Variants in ZMYND12 observed in about 807,000 individuals in gnomAD.
The protein encoded by ZMYND12 is zinc finger MYND-type containing 12.
ZMYND12 carries 32 observed loss-of-function variants against 41.7 expected under a neutral mutation model. The observed-to-expected ratio is 0.77, with a 90% CI of 0.58 to 1.03. The LOEUF (loss-of-function observed/expected upper bound fraction) is 1.03, where lower values mean the gene tolerates loss of function less well. ZMYND12 is among the 50% of genes least tolerant of loss of function. ZMYND12 has a pLI of 0.00. For missense variants in ZMYND12, 424 were observed against 438.5 expected, an observed-to-expected ratio of 0.97 and a Z score of 0.30; for synonymous variants, 148 against 164.8, an observed-to-expected ratio of 0.90 and a Z score of 0.78.
chr1:42,441,756 G>T (rs1642972391), intron 3 of ZMYND12, among the ~76,000 whole-genome samples: 1 of 150,940 alleles, frequency 6.6e-6, no homozygotes. Flanking sequence ...AAGTAGCTGG[G>T]ACTACAGGCG....
Position 42,430,712 on chromosome 1 carries a change from C to A in ZMYND12, c.*24G>T, listed in dbSNP as rs775828300. Reference sequence around the variant, plus strand: ...GATCTTCAGTAGCCCCTGGAATAACCCTTGATGCAGAGCTCATGGGTCACT... The same window carrying A: ...GATCTTCAGTAGCCCCTGGAATAACACTTGATGCAGAGCTCATGGGTCACT... On this transcript the variant is annotated 3_prime_UTR_variant, in exon 8 of 8. Coordinates refer to ENST00000372565, the MANE Select transcript of ZMYND12 (RefSeq NM_032257.5). 1 of 1,612,084 alleles carries A rather than the reference C, an allele frequency of 6.2e-7. No individual in the cohort carries two copies. The highest frequency in any genetic ancestry group is 1.1e-5 in the South Asian group (1 of 90,948).
At chr1:42,442,631 C>A (rs1276412118) in intron 3 of ZMYND12, among the ~76,000 whole-genome samples, 2 of 152,114 alleles carry the variant, frequency 1.3e-5, no homozygotes, top group Non-Finnish European at 2.9e-5. Flanking sequence ...GGTGCTGCAG[C>A]AGAAATGGCA....
At chr1:42,437,105 A>C (rs2148405274) in intron 4 of ZMYND12, among the ~76,000 whole-genome samples, 1 of 152,380 alleles carries the variant, frequency 6.6e-6, no homozygotes, top group African/African-American at 2.4e-5. Flanking sequence ...AATGCTAATC[A>C]GCAATAAGAG....
chr1:42,449,405 A>G (rs1024389594), intron 2 of ZMYND12, among the ~76,000 whole-genome samples: 1 of 152,212 alleles, frequency 6.6e-6, no homozygotes, highest in African/African-American at 2.4e-5. Context: ...TCACATGACT[A>G]TAATTGGAGC....
chr1:42,441,035 T>G (rs911475052), intron 3 of ZMYND12, among the ~76,000 whole-genome samples: 8 of 152,192 alleles, frequency 5.3e-5, no homozygotes, highest in African/African-American at 1.9e-4. Flanking sequence ...AATATATATA[T>G]GCATATTTAA....
intron 1 of ZMYND12, among the ~76,000 whole-genome samples, chr1:42,454,499 T>C (rs566883563): frequency 1.6e-4 from 25 of 152,220 alleles, no homozygotes; most frequent in Non-Finnish European, 3.4e-4. Flanking sequence ...TGATCTGTTA[T>C]GCAGCCGTCA....
Position 42,430,748 on chromosome 1 carries a change from A to G in ZMYND12, c.1086T>C (p.His362=). 1 of 1,614,124 alleles carries G rather than the reference A, an allele frequency of 6.2e-7. No individual in the cohort carries two copies. The highest frequency in any genetic ancestry group is 8.5e-7 in the Non-Finnish European group (1 of 1,179,994). Residue 362 remains histidine (H), a synonymous_variant, in exon 8 of 8, where the codon CAT becomes CAC. Transcript: ENST00000372565. ...ELLSLISTED[H]PIT is the part of the protein sequence containing the mutation. ...AGCTCATGGGTCACTAAGTAATGGGATGGTCTTCAGTTGAAATGAGACTTA... is the reference window on the plus strand; with the variant it reads ...AGCTCATGGGTCACTAAGTAATGGGGTGGTCTTCAGTTGAAATGAGACTTA...
At chr1:42,432,856 A>G (rs3828155) in intron 7 of ZMYND12, 219,805 of 339,678 alleles carry the variant, frequency 0.65, 71,844 homozygotes, top group South Asian at 0.72. Flanking sequence ...TACTTCATCC[A>G]TCCAAGGCTC....
chr1:42,435,862 G>C lies in ZMYND12; in HGVS notation c.718-477C>G, dbSNP rs1381914100. On this transcript the variant is annotated intron_variant, in intron 5 of 7. Transcript: ENST00000372565. ...GCAAAATGCCTCTTTCTCAGAAGCAGGTCTAAAACATGAATCAACAATCAG... is the reference window on the plus strand; with the variant it reads ...GCAAAATGCCTCTTTCTCAGAAGCACGTCTAAAACATGAATCAACAATCAG... Among the ~76,000 whole-genome samples the C allele has an allele frequency of 2.0e-5, 3 of 152,106 alleles. No individual in the cohort carries two copies. In the East Asian group the frequency reaches 5.8e-4, roughly 29 times the overall value.
chr1:42,435,510 G>T (rs1642897152), intron 5 of ZMYND12, 125 bp from the exon 6 acceptor site: 2 of 707,516 alleles, frequency 2.8e-6, no homozygotes, highest in Admixed American at 2.2e-5. Flanking sequence ...CTCTTACTGT[G>T]CCTGGAGGCA....
intron 1 of ZMYND12, among the ~76,000 whole-genome samples, chr1:42,451,026 G>C (rs150745046): frequency 2.0e-5 from 3 of 152,042 alleles, no homozygotes; most frequent in African/African-American, 7.2e-5. Flanking sequence ...TGTTCTATAC[G>C]CACTAGAGAA....
At chr1:42,431,295 A>G (rs1642847451) in intron 7 of ZMYND12, among the ~76,000 whole-genome samples, 1 of 152,006 alleles carries the variant, frequency 6.6e-6, no homozygotes, top group African/African-American at 2.4e-5. Flanking sequence ...CTTCCTTCCT[A>G]TAAATTGTTA....
At position 42,453,111 on chromosome 1, in the gene ZMYND12, A is replaced by T. The variant is rs561456209; in HGVS notation, c.110+2777T>A. ...GGTACTAGATGCTTTACATTCGACCATCAAAACCTATAGAACAACAACCTC... is the reference window on the plus strand; with the variant it reads ...GGTACTAGATGCTTTACATTCGACCTTCAAAACCTATAGAACAACAACCTC... On this transcript the variant is annotated intron_variant, in intron 1 of 7. Transcript: ENST00000372565. Among the ~76,000 whole-genome samples the T allele has an allele frequency of 4.6e-5, 7 of 152,338 alleles. No individual in the cohort carries two copies. In the East Asian group the frequency reaches 1.3e-3, roughly 29 times the overall value.
chr1:42,435,551 G>T, intron 5 of ZMYND12, 166 bp from the exon 6 acceptor site: 1 of 561,482 alleles, frequency 1.8e-6, no homozygotes. Flanking sequence ...AACAGGCCTG[G>T]CCAAGGTAAG....
At chr1:42,437,440 C>G (rs896710575) in intron 4 of ZMYND12, among the ~76,000 whole-genome samples, 5 of 144,414 alleles carry the variant, frequency 3.5e-5, no homozygotes, top group African/African-American at 1.3e-4. Context: ...CAATAAAGCT[C>G]TGTGTGTGTG....
chr1:42,431,683 A>G (rs1642852454), intron 7 of ZMYND12, among the ~76,000 whole-genome samples: 1 of 152,206 alleles, frequency 6.6e-6, no homozygotes, highest in Non-Finnish European at 1.5e-5. Context: ...TACACAGTGG[A>G]AAATTGGACA....
intron 3 of ZMYND12, among the ~76,000 whole-genome samples, chr1:42,445,326 G>A (rs1050766479): frequency 4.6e-5 from 7 of 151,510 alleles, no homozygotes; most frequent in Admixed American, 6.6e-5. Context: ...CTAGCTACTC[G>A]GGAGGCTGAG....
intron 1 of ZMYND12, among the ~76,000 whole-genome samples, chr1:42,454,467 A>G (rs762007097): frequency 1.8e-4 from 27 of 152,208 alleles, no homozygotes; most frequent in Admixed American, 5.9e-4. Flanking sequence ...GGCCAGTATG[A>G]GAAGGTACTG....
chr1:42,449,930 C>T lies in ZMYND12; in HGVS notation c.240G>A (p.Leu80=), dbSNP rs1446193913. The T allele has an allele frequency of 6.2e-7, 1 of 1,612,106 alleles. No individual in the cohort carries two copies. Among genetic ancestry groups the T allele is most frequent in the Non-Finnish European group, 8.5e-7 (1 of 1,180,016 alleles). Residue 80 remains leucine, a synonymous_variant, in exon 2 of 8, where the codon CTG becomes CTA. Coordinates refer to ENST00000372565, the MANE Select transcript of ZMYND12 (RefSeq NM_032257.5). The part of the protein sequence containing the change: ...EEERQHGLQQ[L]QQRQKYLIEF... ...CCGTAGGCCCTACCTGCCGCTGCTG[C>T]AGCTGCTGCAGGCCATGCTGCCGTT...
Sources: allele counts gnomAD v4.1 joint callset (sites outside exome capture counted in the v4.1 genomes callset), GRCh38; gene constraint gnomAD v4.1.1; transcripts MANE v1.5; gene names NCBI Gene and HGNC (gene_info 2026-07-23, HGNC 2026-07-21).